The following KIAA1958 variants were observed in gnomAD, a reference collection of about 807,000 sequenced individuals.
KIAA1958 encodes uncharacterized protein KIAA1958.
Under a neutral mutation model 47.2 loss-of-function variants are expected in KIAA1958, and 14 were observed. The ratio of observed to expected loss-of-function variants is 0.30; its 90% CI spans 0.20 to 0.46. The LOEUF (loss-of-function observed/expected upper bound fraction) is 0.46, where lower values mean the gene tolerates loss of function less well. Ranked by LOEUF, KIAA1958 falls within the 20% of genes least tolerant of loss-of-function variation. The probability of loss-of-function intolerance (pLI) is 1.00; values close to 1 mark genes in which losing one functional copy is unlikely to be tolerated. For missense variants in KIAA1958, 803 were observed against 909.2 expected, an observed-to-expected ratio of 0.88 and a Z score of 1.50; for synonymous variants, 354 against 353.3, an observed-to-expected ratio of 1.00 and a Z score of -0.02.
intron 1 of KIAA1958, among the ~76,000 whole-genome samples, chr9:112,502,533 TCCAGTTG>T (rs1339974848): frequency 3.9e-5 from 6 of 152,244 alleles, no homozygotes; most frequent in African/African-American, 1.4e-4. Context: ...GTGTAAATGT[TCCAGTTG>T]CCCTGCTTTC....
intron 1 of KIAA1958, among the ~76,000 whole-genome samples, chr9:112,502,155 C>T (rs1834153406): frequency 6.6e-6 from 1 of 152,086 alleles, no homozygotes; most frequent in Non-Finnish European, 1.5e-5. Context: ...AATATGACAT[C>T]TTTGTTTTCT....
chr9:112,555,240 A>G (rs943217219), intron 1 of KIAA1958, among the ~76,000 whole-genome samples: 2 of 152,224 alleles, frequency 1.3e-5, no homozygotes, highest in Non-Finnish European at 2.9e-5. Flanking sequence ...CATCTGTCTT[A>G]GAGCTTACCT....
intron 2 of KIAA1958, chr9:112,581,732 A>G (rs888143604): frequency 2.7e-5 from 5 of 187,372 alleles, no homozygotes; most frequent in Non-Finnish European, 5.7e-5. Context: ...CAGGCCTGAT[A>G]CCTTTCAACA....
At chr9:112,567,220 G>A (rs1170960059) in intron 1 of KIAA1958, among the ~76,000 whole-genome samples, 1 of 152,228 alleles carries the variant, frequency 6.6e-6, no homozygotes, top group South Asian at 2.1e-4. Context: ...AAGACAGGGT[G>A]AAACAAAACA....
intron 1 of KIAA1958, among the ~76,000 whole-genome samples, chr9:112,567,649 C>T (rs932599537): frequency 1.3e-5 from 2 of 152,004 alleles, no homozygotes; most frequent in African/African-American, 4.8e-5. Context: ...GAAAATCAAT[C>T]CTGAAAGATC....
chr9:112,618,811 C>T lies in KIAA1958; in HGVS notation c.1172-26839C>T. 1 of 1,550,652 alleles carries T rather than the reference C, an allele frequency of 6.4e-7. No individual in the cohort carries two copies. The highest frequency in any genetic ancestry group is 2.4e-5 in the East Asian group (1 of 40,914). On this transcript the variant is annotated intron_variant, in intron 2 of 3. Coordinates refer to ENST00000337530, the MANE Select transcript of KIAA1958 (RefSeq NM_133465.4). This position sits in a 1 kb window ranked among gnomAD's most constrained non-coding sequence, Gnocchi z 7.1. ...CCCAGAGCAACCAGCTCGTGCTGAT[C>T]TGTAACAATCTGAGCCAGCAGGCTG...
At position 112,627,235 on chromosome 9, in the gene KIAA1958, G is replaced by C. The variant is rs530256107; in HGVS notation, c.1172-18415G>C. ...CAAAAAACATTTGCAAAAAGAGAAA[G>C]AAAGCAAGAATTCTGAACTTTTCTA... On this transcript the variant is annotated intron_variant, in intron 2 of 3. Transcript: ENST00000337530. Among the ~76,000 whole-genome samples, 170 of 152,282 alleles carry C rather than the reference G, an allele frequency of 1.1e-3. 1 individual carries two copies. The highest frequency in any genetic ancestry group is 3.8e-3 in the African/African-American group (158 of 41,574).
At chr9:112,649,192 G>A (rs1837021419) in intron 3 of KIAA1958, among the ~76,000 whole-genome samples, 2 of 151,688 alleles carry the variant, frequency 1.3e-5, no homozygotes, top group Non-Finnish European at 2.9e-5. Context: ...ACAGAACCTT[G>A]CCCTGTCACC....
At chr9:112,520,327 G>A (rs1480319702) in intron 1 of KIAA1958, among the ~76,000 whole-genome samples, 1 of 152,124 alleles carries the variant, frequency 6.6e-6, no homozygotes. Context: ...ATAACTAGAG[G>A]CCAAATGAAA....
At position 112,575,047 on chromosome 9, in the gene KIAA1958, A is replaced by T. The variant is rs779817828; in HGVS notation, c.967A>T (p.Ile323Phe). Residue 323 changes from isoleucine to phenylalanine, a missense_variant, in exon 2 of 4, where the codon ATC becomes TTC. By Grantham distance (21) the Ile-to-Phe change is conservative. Coordinates refer to ENST00000337530, the MANE Select transcript of KIAA1958 (RefSeq NM_133465.4). ...ATCCCATCCTAACAAACAGATCAGT[A>T]TCCCCTTGTCTGCCCTGCAGCTGCC... ...STSHPNKQIS[I>F]PLSALQLPGQ... is the part of the protein sequence containing the mutation. 1 of 1,614,034 alleles carries T rather than the reference A, an allele frequency of 6.2e-7. No homozygotes were observed. The highest frequency in any genetic ancestry group is 2.2e-5 in the East Asian group (1 of 44,880).
At chr9:112,537,596 T>C (rs971258850) in intron 1 of KIAA1958, among the ~76,000 whole-genome samples, 3 of 152,232 alleles carry the variant, frequency 2.0e-5, no homozygotes, top group Admixed American at 2.0e-4. Flanking sequence ...TAGGATACTA[T>C]TACTGTACAC....
chr9:112,614,064 A>G (rs150817363), intron 2 of KIAA1958, among the ~76,000 whole-genome samples: 1 of 152,226 alleles, frequency 6.6e-6, no homozygotes, highest in Non-Finnish European at 1.5e-5. Context: ...ACACAATGGA[A>G]TGTTGTGCAG....
chr9:112,541,700 G>A lies in KIAA1958; in HGVS notation c.-24-32357G>A, dbSNP rs373954849. ...TGGGTGCCTGTAATCCCAGCTACTCGGGAGGCTGAGGATTCAATTGCTTGA... is the reference window on the plus strand; with the variant it reads ...TGGGTGCCTGTAATCCCAGCTACTCAGGAGGCTGAGGATTCAATTGCTTGA... On this transcript the variant is annotated intron_variant, in intron 1 of 3. Coordinates refer to ENST00000337530, the MANE Select transcript of KIAA1958 (RefSeq NM_133465.4). Among the ~76,000 whole-genome samples, 176 of 152,176 alleles carry A rather than the reference G, an allele frequency of 1.2e-3. 4 individuals are homozygous for A. In the South Asian group the frequency reaches 0.035, roughly 30 times the overall value.
At chr9:112,643,818 G>A (rs532750116) in intron 2 of KIAA1958, among the ~76,000 whole-genome samples, 4 of 152,228 alleles carry the variant, frequency 2.6e-5, no homozygotes, top group East Asian at 1.9e-4. Context: ...TGGAGTGAGT[G>A]TGAGGAAAGG....
At chr9:112,492,138 C>T (rs570302375) in intron 1 of KIAA1958, among the ~76,000 whole-genome samples, 120 of 152,244 alleles carry the variant, frequency 7.9e-4, no homozygotes, top group Middle Eastern at 6.8e-3. Flanking sequence ...TTAGGGCTGC[C>T]ATAACAAAGA....
At chr9:112,595,349 T>C (rs908363168) in intron 2 of KIAA1958, among the ~76,000 whole-genome samples, 1 of 152,226 alleles carries the variant, frequency 6.6e-6, no homozygotes, top group Non-Finnish European at 1.5e-5. Context: ...TTAGATTTCC[T>C]GATTTTTATT....
intron 1 of KIAA1958, among the ~76,000 whole-genome samples, chr9:112,543,563 GCTTCT>G (rs762577809): frequency 1.2e-5 from 1 of 81,460 alleles, no homozygotes; most frequent in Non-Finnish European, 2.1e-5. Flanking sequence ...GAGCTTCTGA[GCTTCT>G]TTTTTTTTTT....
At chr9:112,634,422 G>T (rs1836765780) in intron 2 of KIAA1958, among the ~76,000 whole-genome samples, 1 of 152,004 alleles carries the variant, frequency 6.6e-6, no homozygotes, top group Admixed American at 6.6e-5. Flanking sequence ...GTAGAGACGG[G>T]GTTTCACCAT....
intron 3 of KIAA1958, among the ~76,000 whole-genome samples, chr9:112,648,791 A>G (rs745459388): frequency 1.3e-5 from 2 of 152,342 alleles, no homozygotes; most frequent in South Asian, 2.1e-4. Context: ...GTAATGTAAA[A>G]ATATCTAGAA....
Sources: allele counts gnomAD v4.1 joint callset (sites outside exome capture counted in the v4.1 genomes callset), GRCh38; gene constraint gnomAD v4.1.1; non-coding constraint Gnocchi (gnomAD v3.1); transcripts MANE v1.5; gene names NCBI Gene and HGNC (gene_info 2026-07-23, HGNC 2026-07-21).